Variants in ARHGAP17 observed in about 807,000 individuals in gnomAD.
ARHGAP17 encodes Rho GTPase activating protein 17.
A neutral mutation model predicts 99.5 loss-of-function variants in ARHGAP17; 57 were observed. The observed-to-expected ratio is 0.57, with a 90% CI of 0.46 to 0.71. The LOEUF (loss-of-function observed/expected upper bound fraction) is 0.71, where lower values mean the gene tolerates loss of function less well. Among genes scored for constraint, ARHGAP17 ranks in the 30% least tolerant of loss-of-function variants. The pLI is 0.00. For synonymous variants in ARHGAP17, 417 were observed against 429.6 expected (o/e 0.97, Z 0.36); for missense variants, 1,000 against 1,122.4 (o/e 0.89, Z 1.56).
At chr16:24,942,192 C>T (rs779510718) in intron 15 of ARHGAP17, 49 bp from the exon 16 acceptor site, 7 of 1,547,180 alleles carry the variant, frequency 4.5e-6, no homozygotes, top group Admixed American at 3.8e-5. Flanking sequence ...GCACAGCAGG[C>T]GAGGGAGCTC....
chr16:24,991,425 A>C (rs1263803154), intron 1 of ARHGAP17, among the ~76,000 whole-genome samples: 1 of 152,220 alleles, frequency 6.6e-6, no homozygotes, highest in Non-Finnish European at 1.5e-5. Flanking sequence ...CAAATTTATC[A>C]AGCTGTTCTA....
At chr16:24,974,468 G>T (rs1208301809) in intron 3 of ARHGAP17, among the ~76,000 whole-genome samples, 2 of 152,046 alleles carry the variant, frequency 1.3e-5, no homozygotes, top group Non-Finnish European at 2.9e-5. Context: ...TAGCATCTCG[G>T]TTCACCCTCC....
chr16:24,920,679 T>C (rs11074661), intron 19 of ARHGAP17: 5,224 of 162,464 alleles, frequency 0.032, 305 homozygotes, highest in African/African-American at 0.12. Context: ...CACTAGGACC[T>C]CACCCTCAGC....
At chr16:24,997,705 G>C (rs1320832504) in intron 1 of ARHGAP17, among the ~76,000 whole-genome samples, 1 of 152,140 alleles carries the variant, frequency 6.6e-6, no homozygotes, top group Non-Finnish European at 1.5e-5. Context: ...GACAGGAAGT[G>C]AGGGGGAGGA....
chr16:24,920,087 C>A lies in ARHGAP17; in HGVS notation c.*43G>T, dbSNP rs767325520. The A allele has an allele frequency of 6.2e-7, 1 of 1,603,728 alleles. No homozygotes were observed. The highest frequency in any genetic ancestry group is 2.2e-5 in the East Asian group (1 of 44,558). On this transcript the variant is annotated 3_prime_UTR_variant, in exon 20 of 20. Transcript: ENST00000289968. Reference sequence around the variant, plus strand: ...AAGAGGTTCGCCTGCCCCTGCTCCACTCGCCAGGGTGGAAGTGGTGGAGGG... The same window carrying A: ...AAGAGGTTCGCCTGCCCCTGCTCCAATCGCCAGGGTGGAAGTGGTGGAGGG...
At chr16:25,007,007 A>T (rs144693991) in intron 1 of ARHGAP17, among the ~76,000 whole-genome samples, 2 of 152,220 alleles carry the variant, frequency 1.3e-5, no homozygotes, top group Admixed American at 1.3e-4. Context: ...CTGTCGCAAT[A>T]TAACAGTGAA....
chr16:24,962,859 T>A (rs1162274471), intron 7 of ARHGAP17, among the ~76,000 whole-genome samples: 2 of 152,218 alleles, frequency 1.3e-5, no homozygotes, highest in African/African-American at 2.4e-5. Context: ...TCAATGAAAT[T>A]AAAAACTCAG....
intron 1 of ARHGAP17, among the ~76,000 whole-genome samples, chr16:25,006,899 G>C (rs1332897510): frequency 6.6e-6 from 1 of 152,206 alleles, no homozygotes; most frequent in East Asian, 1.9e-4. Context: ...AGAGACCCCA[G>C]GGCTGGAGGC....
intron 12 of ARHGAP17, 84 bp downstream of exon 12, chr16:24,952,205 C>T: frequency 9.1e-6 from 9 of 984,812 alleles, no homozygotes; most frequent in Admixed American, 2.4e-5. Context: ...TCTTATGATC[C>T]CTGAGAATAA....
At chr16:24,942,586 G>A (rs1196815148) in intron 15 of ARHGAP17, among the ~76,000 whole-genome samples, 3 of 151,942 alleles carry the variant, frequency 2.0e-5, no homozygotes, top group East Asian at 1.9e-4. Context: ...GGCCAAGAAC[G>A]TGAAACCCCG....
chr16:24,986,072 C>T (rs1028870212), intron 1 of ARHGAP17, among the ~76,000 whole-genome samples: 5 of 152,178 alleles, frequency 3.3e-5, no homozygotes, highest in African/African-American at 9.7e-5. Flanking sequence ...CAGTTGAAGA[C>T]CGTCAAACCT....
intron 1 of ARHGAP17, among the ~76,000 whole-genome samples, chr16:25,014,804 T>C (rs2053739072): frequency 1.3e-5 from 2 of 152,152 alleles, no homozygotes; most frequent in African/African-American, 4.8e-5. Flanking sequence ...AGCACAGCGC[T>C]CGGCACAGCG....
chr16:24,932,326 T>C (rs2051016720), intron 18 of ARHGAP17, among the ~76,000 whole-genome samples: 1 of 152,184 alleles, frequency 6.6e-6, no homozygotes, highest in African/African-American at 2.4e-5. Context: ...TTATGCACAT[T>C]TGAAAGGGCT....
chr16:24,960,382 T>A (rs1222453235), intron 7 of ARHGAP17, among the ~76,000 whole-genome samples: 1 of 152,014 alleles, frequency 6.6e-6, no homozygotes, highest in Non-Finnish European at 1.5e-5. Flanking sequence ...CCGTCTCTAC[T>A]AAAAATACAA....
Position 24,952,305 on chromosome 16 carries a change from A to T in ARHGAP17, c.1030T>A (p.Trp344Arg). ...PLMTFNLYEE[W>R]TQVASVQDQD... ...TAAACTTACCTTGCAACTTGTGTCC[A>T]TTCTTCATACAGATTAAAAGTCATC... The change falls in exon 12 of 20, where the codon TGG becomes AGG. Residue 344 changes from tryptophan to arginine, a missense_variant. Physicochemically the swap from Trp to Arg is moderately radical, Grantham distance 101. Transcript: ENST00000289968. 1 of 1,612,306 alleles carries T rather than the reference A, an allele frequency of 6.2e-7. No homozygotes were observed. The highest frequency in any genetic ancestry group is 8.5e-7 in the Non-Finnish European group (1 of 1,179,324).
At position 24,920,097 on chromosome 16, in the gene ARHGAP17, T is replaced by C; in HGVS notation, c.*33A>G. ...CCTGCCCCTGCTCCACTCGCCAGGG[T>C]GGAAGTGGTGGAGGGCTGGGAAAGG... On this transcript the variant is annotated 3_prime_UTR_variant, in exon 20 of 20. Coordinates refer to ENST00000289968, the MANE Select transcript of ARHGAP17 (RefSeq NM_001006634.3). The C allele has an allele frequency of 6.2e-7, 1 of 1,603,378 alleles. No individual in the cohort carries two copies. Among genetic ancestry groups the C allele is most frequent in the Non-Finnish European group, 8.5e-7 (1 of 1,172,812 alleles).
intron 6 of ARHGAP17, among the ~76,000 whole-genome samples, chr16:24,966,973 C>T (rs2052207541): frequency 6.6e-6 from 1 of 152,332 alleles, no homozygotes; most frequent in East Asian, 1.9e-4. Context: ...CATGGAAAGG[C>T]CTATGCATTT....
intron 17 of ARHGAP17, among the ~76,000 whole-genome samples, chr16:24,938,315 G>A (rs2051199452): frequency 1.3e-5 from 2 of 151,876 alleles, no homozygotes; most frequent in South Asian, 4.2e-4. Context: ...AGTGAACCGA[G>A]ATTGCACCAC....
chr16:24,984,641 G>T (rs1483970002), intron 1 of ARHGAP17, among the ~76,000 whole-genome samples: 1 of 151,152 alleles, frequency 6.6e-6, no homozygotes. Context: ...CAGCCTGGGC[G>T]ACAGAGCAAG....
Sources: allele counts gnomAD v4.1 joint callset (sites outside exome capture counted in the v4.1 genomes callset), GRCh38; gene constraint gnomAD v4.1.1; transcripts MANE v1.5; gene names NCBI Gene and HGNC (gene_info 2026-07-23, HGNC 2026-07-21).